CSMD1: variants seen among roughly 807,000 people sequenced by gnomAD.
CSMD1 encodes the protein CUB and Sushi multiple domains 1.
CSMD1 carries 213 observed loss-of-function variants against 417.5 expected under a neutral mutation model. The ratio of observed to expected loss-of-function variants is 0.51; its 90% CI spans 0.46 to 0.57. The LOEUF is 0.57. CSMD1 is among the 20% of genes least tolerant of loss of function. The probability of loss-of-function intolerance (pLI) is 0.00; values close to 1 mark genes in which losing one functional copy is unlikely to be tolerated. For synonymous variants in CSMD1, 2,862 were observed against 1,736.8 expected, an observed-to-expected ratio of 1.65 and a Z score of -16.11; for missense variants, 6,923 against 4,529.7, an observed-to-expected ratio of 1.53 and a Z score of -15.17.
chr8:4,860,033 G>A (rs1802032960), intron 1 of CSMD1, among the ~76,000 whole-genome samples: 1 of 152,054 alleles, frequency 6.6e-6, no homozygotes, highest in South Asian at 2.1e-4. Context: ...ATGATAGACT[G>A]GATTAAGAAA....
At chr8:4,180,945 A>T (rs991448126) in intron 3 of CSMD1, among the ~76,000 whole-genome samples, 2 of 152,138 alleles carry the variant, frequency 1.3e-5, no homozygotes, top group Non-Finnish European at 2.9e-5. Context: ...CCACTCTGTT[A>T]ATTAAGCCGG....
intron 3 of CSMD1, among the ~76,000 whole-genome samples, chr8:4,418,977 T>C (rs956474709): frequency 6.6e-6 from 1 of 152,182 alleles, no homozygotes; most frequent in Admixed American, 6.5e-5. Context: ...GAGAACCTTC[T>C]ACACTGTAAT....
At position 3,367,123 on chromosome 8, in the gene CSMD1, G is replaced by C; in HGVS notation, c.3024C>G (p.Ile1008Met). ...TGAAGTTTCCAAACAGGCCTGCCTT[G>C]ATCGTATGAGGCAACACCGACCCGG... ...RLTGSVLPHT[I>M]KAGLFGNFTA... The change falls in exon 20 of 70, where the codon ATC (isoleucine) becomes ATG (methionine). Residue 1008 changes from isoleucine to methionine, a missense_variant. Ile to Met is a conservative substitution (Grantham distance 10, BLOSUM62 1). Transcript: ENST00000635120. The C allele has an allele frequency of 1.9e-6, 3 of 1,613,718 alleles. No individual in the cohort carries two copies. The highest frequency in any genetic ancestry group is 1.7e-5 in the Admixed American group (1 of 59,974).
intron 1 of CSMD1, among the ~76,000 whole-genome samples, chr8:4,894,706 G>GTGTGTA (rs1554513196): frequency 6.6e-6 from 1 of 151,556 alleles, no homozygotes; most frequent in Non-Finnish European, 1.5e-5. Context: ...GACTGTGTGT[G>GTGTGTA]TGTGTGTGTG....
intron 3 of CSMD1, among the ~76,000 whole-genome samples, chr8:4,033,419 G>C (rs921441362): frequency 6.6e-6 from 1 of 152,164 alleles, no homozygotes. Flanking sequence ...TCCAGCGTGG[G>C]TGACAGAGCG....
chr8:4,991,572 G>C (rs567801764), intron 1 of CSMD1, among the ~76,000 whole-genome samples: 4 of 152,128 alleles, frequency 2.6e-5, no homozygotes, highest in Admixed American at 6.5e-5. Flanking sequence ...AGCTGCCCAC[G>C]GCAGTGGCCG....
At chr8:4,991,144 A>G (rs963499448) in intron 1 of CSMD1, among the ~76,000 whole-genome samples, 6 of 152,192 alleles carry the variant, frequency 3.9e-5, no homozygotes, top group Non-Finnish European at 7.3e-5. Context: ...TCTTCCAAAC[A>G]GCCAGTAGAT....
chr8:2,996,985 T>C (rs1198958646), intron 54 of CSMD1, among the ~76,000 whole-genome samples: 1 of 152,208 alleles, frequency 6.6e-6, no homozygotes, highest in Non-Finnish European at 1.5e-5. Context: ...GGCTGACCAA[T>C]GTCCCTGGGC....
intron 1 of CSMD1, among the ~76,000 whole-genome samples, chr8:4,899,757 G>A (rs1043305256): frequency 6.6e-6 from 1 of 152,108 alleles, no homozygotes; most frequent in African/African-American, 2.4e-5. Context: ...GAAAAAGCTA[G>A]AATGCACTAT....
At chr8:3,933,728 T>C (rs1412706840) in intron 5 of CSMD1, among the ~76,000 whole-genome samples, 1 of 152,172 alleles carries the variant, frequency 6.6e-6, no homozygotes, top group Admixed American at 6.6e-5. Flanking sequence ...CGTTCAAAAA[T>C]CCTAAAGGAG....
chr8:3,117,155 C>G (rs1816922842), intron 42 of CSMD1, among the ~76,000 whole-genome samples: 1 of 152,158 alleles, frequency 6.6e-6, no homozygotes, highest in Non-Finnish European at 1.5e-5. Flanking sequence ...ACTGCAACCT[C>G]AGCCTCCTGG....
At chr8:4,520,417 G>A (rs1383483522) in intron 2 of CSMD1, among the ~76,000 whole-genome samples, 2 of 152,224 alleles carry the variant, frequency 1.3e-5, no homozygotes, top group Admixed American at 6.5e-5. Flanking sequence ...GCAAAATCAT[G>A]TCTTTCATAG....
intron 23 of CSMD1, among the ~76,000 whole-genome samples, chr8:3,310,667 G>A (rs968455500): frequency 1.6e-4 from 25 of 152,162 alleles, no homozygotes; most frequent in Non-Finnish European, 3.4e-4. Flanking sequence ...CACTGGAACA[G>A]GATCCTGGGA....
intron 1 of CSMD1, among the ~76,000 whole-genome samples, chr8:4,715,359 A>G (rs543276785): frequency 2.0e-5 from 3 of 152,242 alleles, no homozygotes; most frequent in Non-Finnish European, 4.4e-5. Context: ...ATGCTTCATC[A>G]AAGAGCAATA....
intron 7 of CSMD1, among the ~76,000 whole-genome samples, chr8:3,702,863 A>G (rs1800946897): frequency 6.6e-6 from 1 of 152,174 alleles, no homozygotes; most frequent in Admixed American, 6.5e-5. Flanking sequence ...TCAGTTTAAT[A>G]ATTTCTTTGG....
intron 2 of CSMD1, among the ~76,000 whole-genome samples, chr8:4,543,648 A>G (rs1797500038): frequency 1.5e-5 from 2 of 136,750 alleles, no homozygotes; most frequent in South Asian, 5.4e-4. Context: ...GCTGGATCAT[A>G]TGGGAAGGAC....
chr8:4,001,396 C>T (rs1237046654), intron 4 of CSMD1, among the ~76,000 whole-genome samples: 1 of 152,122 alleles, frequency 6.6e-6, no homozygotes, highest in Non-Finnish European at 1.5e-5. Context: ...GGTTCGATGA[C>T]CTGCAGAAGG....
intron 5 of CSMD1, among the ~76,000 whole-genome samples, chr8:3,873,341 G>C (rs1019180644): frequency 6.6e-6 from 1 of 151,796 alleles, no homozygotes; most frequent in African/African-American, 2.4e-5. Context: ...AAGAAAATGT[G>C]ATATGTATAT....
intron 3 of CSMD1, among the ~76,000 whole-genome samples, chr8:4,279,176 C>T (rs950417902): frequency 9.2e-5 from 14 of 152,036 alleles, no homozygotes; most frequent in Admixed American, 3.3e-4. Flanking sequence ...TGCCAAGCTT[C>T]GTCTGTCTCT....
Sources: allele counts gnomAD v4.1 joint callset (sites outside exome capture counted in the v4.1 genomes callset), GRCh38; gene constraint gnomAD v4.1.1; transcripts MANE v1.5; gene names NCBI Gene and HGNC (gene_info 2026-07-23, HGNC 2026-07-21).